Variants in RTCB observed in about 807,000 individuals in gnomAD.
RTCB encodes the protein RNA 2',3'-cyclic phosphate and 5'-OH ligase.
RTCB carries 32 observed loss-of-function variants against 58.2 expected under a neutral mutation model. That is an observed-to-expected ratio of 0.55 (90% CI 0.41 to 0.74). RTCB has a LOEUF of 0.74. Among genes scored for constraint, RTCB ranks in the 30% least tolerant of loss-of-function variants. RTCB has a pLI of 0.00. For missense variants in RTCB, 523 were observed against 639.0 expected (o/e 0.82, Z 1.96); for synonymous variants, 247 against 218.6 (o/e 1.13, Z -1.15).
At chr22:32,397,654 A>C (rs73168721) in intron 7 of RTCB, among the ~76,000 whole-genome samples, 18,915 of 152,254 alleles carry the variant, frequency 0.12, 1,576 homozygotes, top group Non-Finnish European at 0.19. Flanking sequence ...AGTAACTCAT[A>C]AGAGTAAACA....
At chr22:32,394,083 C>T in intron 9 of RTCB, 81 bp from the exon 10 acceptor site, 4 of 966,848 alleles carry the variant, frequency 4.1e-6, no homozygotes, top group South Asian at 4.0e-5. Context: ...TTTTCTCTTG[C>T]ACTGTAGGAT....
At chr22:32,396,373 T>G (rs1933247297) in intron 7 of RTCB, 124 bp from the exon 8 acceptor site, 5 of 924,774 alleles carry the variant, frequency 5.4e-6, no homozygotes, top group Non-Finnish European at 4.9e-6. Context: ...AAAGCCAACT[T>G]TCCCTTTAAT....
In RTCB at chr22:32,387,751, C is replaced by A; in HGVS notation, c.*241G>T. The A allele has an allele frequency of 2.3e-6, 1 of 439,528 alleles. No individual in the cohort carries two copies. Among genetic ancestry groups the A allele is most frequent in the Non-Finnish European group, 4.2e-6 (1 of 240,826 alleles). 27.2% of individuals were successfully genotyped at this position (439,528 alleles called of 1,614,324 possible). A position where few individuals can be genotyped will look rare whatever the true frequency, so the allele number is the denominator to read the frequency against. On this transcript the variant is annotated 3_prime_UTR_variant, in exon 12 of 12. Coordinates refer to ENST00000216038, the MANE Select transcript of RTCB (RefSeq NM_014306.5). ...ATTTTCCTAAAACTCTGTGGAACAA[C>A]CAAGGAGAAGGCATATTCCTCCCTT...
intron 5 of RTCB, chr22:32,400,016 G>T: frequency 3.3e-6 from 1 of 300,416 alleles, no homozygotes. Flanking sequence ...ACTGCTCCTT[G>T]TTAATTTTCA....
intron 11 of RTCB, 111 bp downstream of exon 11, chr22:32,392,129 T>A (rs937658752): frequency 6.7e-6 from 8 of 1,189,022 alleles, no homozygotes; most frequent in African/African-American, 4.7e-5. Context: ...TAAAAAAAAA[T>A]AACCCAAACA....
intron 6 of RTCB, among the ~76,000 whole-genome samples, chr22:32,398,883 T>C (rs921321253): frequency 6.6e-6 from 1 of 152,186 alleles, no homozygotes; most frequent in Non-Finnish European, 1.5e-5. Context: ...TGGAAGAGTC[T>C]TTAGAGGTTG....
intron 7 of RTCB, among the ~76,000 whole-genome samples, chr22:32,397,675 T>C (rs925185244): frequency 6.6e-6 from 1 of 152,240 alleles, no homozygotes; most frequent in Non-Finnish European, 1.5e-5. Flanking sequence ...TAACAATAAC[T>C]GCAACTAACA....
At position 32,399,765 on chromosome 22, in the gene RTCB, T is replaced by A. The variant is rs1933305298; in HGVS notation, c.498-6A>T. 4.3e-6 allele frequency: 7 copies of A among 1,612,616 alleles called. No homozygotes were observed. The highest frequency in any genetic ancestry group is 5.1e-6 in the Non-Finnish European group (6 of 1,179,364). ...CCAAGGCCTCCTCCAAGTCTCTGGA[T>A]AAGTATAAAAGGTGCTAGTCATCTC... On this transcript the variant is annotated splice_polypyrimidine_tract_variant and splice_region_variant and intron_variant, in intron 5 of 11. Coordinates refer to ENST00000216038, the MANE Select transcript of RTCB (RefSeq NM_014306.5).
chr22:32,406,752 C>T lies in RTCB; in HGVS notation c.250G>A (p.Gly84Arg). ...ALPGIVHRSI[G>R]LPDVHSGYGF... ...TATCCTGAATGGACATCAGGAAGCC[C>T]AATAGATCGCTGAAAAAGAATTAGA... Residue 84 changes from glycine (G) to arginine (R), a missense_variant, in exon 4 of 12, where the codon GGG becomes AGG. Transcript: ENST00000216038. 6.2e-7 allele frequency: 1 copy of T among 1,608,890 alleles called. No individual in the cohort carries two copies. The highest frequency in any genetic ancestry group is 8.5e-7 in the Non-Finnish European group (1 of 1,175,754).
intron 4 of RTCB, among the ~76,000 whole-genome samples, chr22:32,405,087 G>A (rs949837451): frequency 1.3e-5 from 2 of 152,124 alleles, no homozygotes; most frequent in African/African-American, 2.4e-5. Context: ...CATTTCAGGT[G>A]TGTAAGATTC....
intron 1 of RTCB, 83 bp from the exon 2 acceptor site, chr22:32,408,916 A>C (rs1933474259): frequency 1.1e-6 from 1 of 949,878 alleles, no homozygotes; most frequent in African/African-American, 1.6e-5. Context: ...TGTATGCAAT[A>C]TTTACTGTGC....
chr22:32,410,827 T>C (rs1280156284), intron 1 of RTCB, among the ~76,000 whole-genome samples: 1 of 151,324 alleles, frequency 6.6e-6, no homozygotes, highest in Non-Finnish European at 1.5e-5. Context: ...GCGATCCCCC[T>C]GCCTCAGCCT....
At chr22:32,398,142 G>GTT (rs746755667) in intron 6 of RTCB, 42 bp from the exon 7 acceptor site, 67 of 1,381,244 alleles carry the variant, frequency 4.9e-5, no homozygotes, top group Admixed American at 1.6e-4. Context: ...TTTTATTCCA[G>GTT]TTTTTTTTTT....
chr22:32,393,030 G>C (rs1030071631), intron 10 of RTCB, among the ~76,000 whole-genome samples: 1 of 152,180 alleles, frequency 6.6e-6, no homozygotes, highest in African/African-American at 2.4e-5. Flanking sequence ...TTAATCTCCT[G>C]GGCTCAAGCA....
chr22:32,405,296 A>G (rs934727235), intron 4 of RTCB, among the ~76,000 whole-genome samples: 1 of 152,226 alleles, frequency 6.6e-6, no homozygotes, highest in African/African-American at 2.4e-5. Flanking sequence ...TTAATCCTCA[A>G]TAATTATTAC....
chr22:32,394,989 C>T, intron 9 of RTCB, 37 bp downstream of exon 9: 3 of 1,541,114 alleles, frequency 1.9e-6, no homozygotes, highest in South Asian at 2.4e-5. Flanking sequence ...TAAATCGTGC[C>T]CCCACTGCTT....
At chr22:32,402,937 G>A (rs960852814) in intron 4 of RTCB, among the ~76,000 whole-genome samples, 2 of 151,994 alleles carry the variant, frequency 1.3e-5, no homozygotes, top group South Asian at 4.2e-4. Flanking sequence ...TAGGGATGGG[G>A]TTTCACCATG....
chr22:32,403,959 T>C (rs1440212867), intron 4 of RTCB, among the ~76,000 whole-genome samples: 1 of 152,220 alleles, frequency 6.6e-6, no homozygotes, highest in Non-Finnish European at 1.5e-5. Flanking sequence ...CTGGCCTATT[T>C]CTCAGCATAT....
chr22:32,398,989 C>T (rs1933290316), intron 6 of RTCB, among the ~76,000 whole-genome samples: 1 of 152,190 alleles, frequency 6.6e-6, no homozygotes, highest in South Asian at 2.1e-4. Context: ...AAAGCCTTCA[C>T]AACTAGCTGT....
Sources: allele counts gnomAD v4.1 joint callset (sites outside exome capture counted in the v4.1 genomes callset), GRCh38; gene constraint gnomAD v4.1.1; transcripts MANE v1.5; gene names NCBI Gene and HGNC (gene_info 2026-07-23, HGNC 2026-07-21).